The following RAF1 variants were observed in gnomAD, a reference collection of about 807,000 sequenced individuals.
The protein encoded by RAF1 is Raf-1 proto-oncogene, serine/threonine kinase.
Under a neutral mutation model 81.1 loss-of-function variants are expected in RAF1, and 27 were observed. The ratio of observed to expected loss-of-function variants is 0.33; its 90% CI spans 0.25 to 0.46. The LOEUF (loss-of-function observed/expected upper bound fraction) is 0.46. RAF1 is among the 20% of genes least tolerant of loss of function. RAF1 has a pLI of 1.00. For missense variants in RAF1, 598 were observed against 826.0 expected, an observed-to-expected ratio of 0.72 and a Z score of 3.38; for synonymous variants, 298 against 294.0, an observed-to-expected ratio of 1.01 and a Z score of -0.14.
chr3:12,597,044 G>A (rs2058709171), intron 11 of RAF1, among the ~76,000 whole-genome samples: 1 of 151,840 alleles, frequency 6.6e-6, no homozygotes, highest in Admixed American at 6.6e-5. Flanking sequence ...GACTACAGGC[G>A]CCCACCCCCA....
At chr3:12,603,254 A>G (rs5746214) in intron 8 of RAF1, among the ~76,000 whole-genome samples, 32,065 of 152,016 alleles carry the variant, frequency 0.21, 3,638 homozygotes, top group African/African-American at 0.29. Context: ...TCAGAAATTC[A>G]TTTCACCTAT....
Position 12,591,563 on chromosome 3 carries a change from G to T in RAF1, c.1253+145C>A, listed in dbSNP as rs545359404. On this transcript the variant is annotated intron_variant, in intron 12 of 17. Coordinates refer to ENST00000442415, the MANE Select transcript of RAF1 (RefSeq NM_001354689.3). The stretch of plus-strand genomic sequence containing the variant: ...AAAGGAAACATCCCTTTGCTCTCAA[G>T]GGAGGAGCATCCAACCACAGAAACT... 1.1e-5 allele frequency: 8 copies of T among 718,110 alleles called. No individual in the cohort carries two copies. In the South Asian group the frequency reaches 1.2e-4, roughly 11 times the overall value. 44.5% of individuals were successfully genotyped at this position (718,110 alleles called of 1,614,324 possible).
At chr3:12,591,665 C>T (rs749243821) in intron 12 of RAF1, 43 bp downstream of exon 11, 1 of 1,543,394 alleles carries the variant, frequency 6.5e-7, no homozygotes, top group Non-Finnish European at 9.0e-7. Context: ...GTACTCCCCA[C>T]TCCAGCACTC....
At chr3:12,637,674 G>A (rs2060070903) in intron 1 of RAF1, among the ~76,000 whole-genome samples, 1 of 151,646 alleles carries the variant, frequency 6.6e-6, no homozygotes, top group Admixed American at 6.6e-5. Flanking sequence ...CCAATGTGGT[G>A]AAACCCTGTC....
Position 12,619,339 on chromosome 3 carries a change from G to T in RAF1, c.-26-592C>A, listed in dbSNP as rs138936176. On this transcript the variant is annotated intron_variant, in intron 1 of 17. Coordinates refer to ENST00000442415, the MANE Select transcript of RAF1 (RefSeq NM_001354689.3). ...AGCACTTTGGGAGGCCGAGGCCAGC[G>T]CATCACTTGAGGCCAGGAGTTCAAG... 4.8e-3 allele frequency among the ~76,000 whole-genome samples: 734 copies of T among 152,194 alleles called. 5 individuals are homozygous for T. Among genetic ancestry groups the T allele is most frequent in the Middle Eastern group, 0.014 (4 of 294 alleles).
At chr3:12,640,195 T>A (rs977734427) in intron 1 of RAF1, among the ~76,000 whole-genome samples, 2 of 152,214 alleles carry the variant, frequency 1.3e-5, no homozygotes, top group Non-Finnish European at 2.9e-5. Context: ...ATCCCTTCCT[T>A]ACATCTTATA....
chr3:12,624,041 G>C (rs570904948), intron 1 of RAF1, among the ~76,000 whole-genome samples: 1 of 151,824 alleles, frequency 6.6e-6, no homozygotes, highest in South Asian at 2.1e-4. Context: ...TTTTAGTAGA[G>C]ACAGGGTTTC....
chr3:12,657,303 A>G (rs2060726630), intron 1 of RAF1, among the ~76,000 whole-genome samples: 1 of 152,206 alleles, frequency 6.6e-6, no homozygotes, highest in South Asian at 2.1e-4. Flanking sequence ...TTGTGTCGTC[A>G]CAAAATAGGA....
chr3:12,587,308 G>A, intron 14 of RAF1: 1 of 497,524 alleles, frequency 2.0e-6, no homozygotes, highest in South Asian at 2.8e-5. Context: ...ATAAAATTAT[G>A]CCTATTTCAA....
At chr3:12,647,296 A>C (rs1387058450) in intron 1 of RAF1, among the ~76,000 whole-genome samples, 1 of 4,780 alleles carries the variant, frequency 2.1e-4, no homozygotes, top group African/African-American at 1.6e-3. Context: ...ACTCCATCTC[A>C]AAAAAAAAAA....
chr3:12,655,029 A>T (rs2060646828), intron 1 of RAF1, among the ~76,000 whole-genome samples: 1 of 143,490 alleles, frequency 7.0e-6, no homozygotes, highest in Non-Finnish European at 1.5e-5. Flanking sequence ...TAAAATAGTA[A>T]AAATAATAAT....
intron 1 of RAF1, among the ~76,000 whole-genome samples, chr3:12,622,691 A>G (rs1248679261): frequency 6.6e-6 from 1 of 152,192 alleles, no homozygotes; most frequent in African/African-American, 2.4e-5. Flanking sequence ...TCTGCTCCAT[A>G]AGGGCAGAAC....
chr3:12,645,870 T>A (rs1028381591), intron 1 of RAF1, among the ~76,000 whole-genome samples: 4 of 152,106 alleles, frequency 2.6e-5, no homozygotes, highest in Non-Finnish European at 4.4e-5. Flanking sequence ...CCACTGTGCC[T>A]GGCTTATTAC....
rs532576643 is a variant in RAF1 at position 12,642,762 on chromosome 3, T to C, written c.-27+21051A>G. Among the ~76,000 whole-genome samples, 5 of 149,022 alleles carry C rather than the reference T, an allele frequency of 3.4e-5. No homozygotes were observed. The South Asian group carries it at 8.6e-4, about 25-fold the overall frequency. On this transcript the variant is annotated intron_variant, in intron 1 of 17. Transcript: ENST00000442415. ...TGGCATGGGCCTGTAGTCCCAGCTATTGGGGCAGGGCCAGGGGGTGGGAGG... is the reference window on the plus strand; with the variant it reads ...TGGCATGGGCCTGTAGTCCCAGCTACTGGGGCAGGGCCAGGGGGTGGGAGG...
intron 1 of RAF1, among the ~76,000 whole-genome samples, chr3:12,620,345 G>A (rs1381220884): frequency 1.3e-5 from 2 of 152,142 alleles, no homozygotes; most frequent in African/African-American, 4.8e-5. Context: ...TGTTGGCCAG[G>A]ATGGTCTCAA....
chr3:12,598,276 G>A (rs2058744528), intron 11 of RAF1, among the ~76,000 whole-genome samples: 1 of 152,060 alleles, frequency 6.6e-6, no homozygotes, highest in South Asian at 2.1e-4. Context: ...CTCCCAAAGT[G>A]CTGGGATGAC....
intron 1 of RAF1, among the ~76,000 whole-genome samples, chr3:12,633,488 T>TA (rs11414306): frequency 0.2 from 21,459 of 109,270 alleles, 1,946 homozygotes; most frequent in African/African-American, 0.32. Context: ...GTCTGGAAAT[T>TA]AAAAAAAAAA....
intron 11 of RAF1, among the ~76,000 whole-genome samples, chr3:12,597,031 T>G (rs935826629): frequency 1.3e-5 from 2 of 152,004 alleles, no homozygotes; most frequent in Non-Finnish European, 2.9e-5. Context: ...CCAAAGTAGC[T>G]GGGACTACAG....
At chr3:12,605,250 ATGTGTGTGTG>A (rs139616156) in intron 6 of RAF1, among the ~76,000 whole-genome samples, 12 of 144,634 alleles carry the variant, frequency 8.3e-5, no homozygotes, top group East Asian at 2.0e-4. Context: ...ATTACACATT[ATGTGTGTGTG>A]TGTGTGTGTG....
Sources: gnomAD v4.1 joint callset for allele counts (sites outside exome capture counted in the v4.1 genomes callset) on GRCh38, gnomAD v4.1.1 for gene constraint, MANE v1.5 for transcripts, NCBI Gene and HGNC (gene_info 2026-07-23, HGNC 2026-07-21) for gene names.